FILIP1: variants seen among roughly 807,000 people sequenced by gnomAD.
The protein encoded by FILIP1 is filamin A interacting protein 1.
FILIP1 carries 61 observed loss-of-function variants against 102.1 expected under a neutral mutation model. The observed-to-expected ratio is 0.60, with a 90% CI of 0.49 to 0.74. FILIP1 has a LOEUF of 0.74. FILIP1 is among the 30% of genes least tolerant of loss of function. The pLI is 0.00. For synonymous variants in FILIP1, 491 were observed against 526.9 expected (o/e 0.93, Z 0.93); for missense variants, 1,314 against 1,441.2 (o/e 0.91, Z 1.43).
intron 4 of FILIP1, among the ~76,000 whole-genome samples, chr6:75,350,915 T>G (rs1021936025): frequency 6.6e-6 from 1 of 152,192 alleles, no homozygotes. Flanking sequence ...AAGTTGCAAC[T>G]TTTTTACCTG....
chr6:75,474,893 C>A (rs954423402), intron 1 of FILIP1, among the ~76,000 whole-genome samples: 1 of 151,978 alleles, frequency 6.6e-6, no homozygotes, highest in African/African-American at 2.4e-5. Context: ...GAGAGCTGGT[C>A]GTTTAAAAGT....
intron 1 of FILIP1, among the ~76,000 whole-genome samples, chr6:75,462,086 T>A (rs567010114): frequency 1.7e-4 from 26 of 152,288 alleles, no homozygotes; most frequent in Admixed American, 4.6e-4. Flanking sequence ...TCATGCCCCA[T>A]TTTTATTTCC....
In FILIP1 at chr6:75,372,677, GAA is replaced by G. The variant is rs1340452840; in HGVS notation, c.277-9762_277-9761del. Among the ~76,000 whole-genome samples the G allele has an allele frequency of 1.1e-3, 57 of 51,316 alleles. 1 individual carries two copies. Among genetic ancestry groups the G allele is most frequent in the East Asian group, 5.0e-3 (13 of 2,588 alleles). 33.7% of individuals were successfully genotyped at this position (51,316 alleles called of 152,430 possible). On this transcript the variant is annotated intron_variant, in intron 2 of 5. Coordinates refer to ENST00000237172, the MANE Select transcript of FILIP1 (RefSeq NM_015687.5). ...AGAAAGAAAGAAAGAAAGAAAGAAAGAAAGAAAGAGAAAGAAAGAGAAAGAAA... is the reference window on the plus strand; with the variant it reads ...AGAAAGAAAGAAAGAAAGAAAGAAAGAGAAAGAGAAAGAAAGAGAAAGAAA...
At chr6:75,297,150 A>AG (rs1772704132) in intron 6 of FILIP1, 1 of 152,168 alleles carries the variant, frequency 6.6e-6, no homozygotes, top group Admixed American at 6.5e-5. Flanking sequence ...GCAGAAACTT[A>AG]GGGTTTATCA....
intron 4 of FILIP1, among the ~76,000 whole-genome samples, chr6:75,348,567 T>C (rs1774675952): frequency 6.6e-6 from 1 of 152,228 alleles, no homozygotes; most frequent in South Asian, 2.1e-4. Context: ...AGGTACTTAA[T>C]TTGTGGAATT....
At chr6:75,393,368 A>G (rs1225821409) in intron 2 of FILIP1, among the ~76,000 whole-genome samples, 1 of 152,182 alleles carries the variant, frequency 6.6e-6, no homozygotes, top group African/African-American at 2.4e-5. Flanking sequence ...TCCAAAAGAA[A>G]ACAAATATCA....
intron 3 of FILIP1, among the ~76,000 whole-genome samples, chr6:75,360,075 A>G (rs1449217991): frequency 6.6e-6 from 1 of 152,144 alleles, no homozygotes. Context: ...CGAGCTTGCC[A>G]TTTCCCATAA....
intron 2 of FILIP1, among the ~76,000 whole-genome samples, chr6:75,411,418 T>C (rs1006413534): frequency 1.3e-5 from 2 of 152,236 alleles, no homozygotes; most frequent in African/African-American, 4.8e-5. Flanking sequence ...GCTCTTCAGT[T>C]TAATTAGATC....
chr6:75,415,096 T>C lies in FILIP1; in HGVS notation c.-6-118A>G, dbSNP rs1207215517. The C allele has an allele frequency of 4.2e-6, 4 of 947,646 alleles. No individual in the cohort carries two copies. In the African/African-American group the frequency reaches 5.0e-5, roughly 12 times the overall value. The allele number at this position is 947,646 out of a possible 1,614,324, so 58.7% of individuals were successfully genotyped here. The stretch of plus-strand genomic sequence containing the variant: ...ACATCGCCAATAAGGAAAAATCAAA[T>C]TAACATGTCATTAAAATTTTCAGGA... On this transcript the variant is annotated intron_variant, in intron 1 of 5. Coordinates refer to ENST00000237172, the MANE Select transcript of FILIP1 (RefSeq NM_015687.5).
At chr6:75,327,799 A>G (rs1773923237) in intron 4 of FILIP1, among the ~76,000 whole-genome samples, 1 of 152,058 alleles carries the variant, frequency 6.6e-6, no homozygotes, top group Non-Finnish European at 1.5e-5. Flanking sequence ...ACTATAGAAT[A>G]CCACCATTTT....
chr6:75,319,623 G>A (rs978604803), intron 4 of FILIP1: 4 of 431,458 alleles, frequency 9.3e-6, no homozygotes, highest in African/African-American at 6.2e-5. Context: ...AAGGTCAGGA[G>A]ATCGAGACCA....
chr6:75,348,606 G>A (rs1165584004), intron 4 of FILIP1, among the ~76,000 whole-genome samples: 1 of 152,128 alleles, frequency 6.6e-6, no homozygotes, highest in Non-Finnish European at 1.5e-5. Context: ...AGCAATTCCT[G>A]GAAAGTGAAA....
intron 6 of FILIP1, among the ~76,000 whole-genome samples, chr6:75,297,230 T>C (rs1421507043): frequency 6.6e-6 from 1 of 152,232 alleles, no homozygotes; most frequent in Non-Finnish European, 1.5e-5. Flanking sequence ...AGTTTTATTT[T>C]TACTTATGTA....
intron 2 of FILIP1, among the ~76,000 whole-genome samples, chr6:75,365,167 G>A (rs377413653): frequency 2.0e-4 from 30 of 151,954 alleles, no homozygotes; most frequent in Middle Eastern, 3.4e-3. Context: ...GTCTTATAGA[G>A]CAGACATAGA....
intron 4 of FILIP1, among the ~76,000 whole-genome samples, chr6:75,321,503 G>C (rs1228432290): frequency 7.3e-6 from 1 of 136,290 alleles, no homozygotes; most frequent in Non-Finnish European, 1.6e-5. Flanking sequence ...ACATAGAAAT[G>C]AATGTGATCG....
At chr6:75,381,839 C>T (rs1241719871) in intron 2 of FILIP1, among the ~76,000 whole-genome samples, 1 of 152,104 alleles carries the variant, frequency 6.6e-6, no homozygotes, top group African/African-American at 2.4e-5. Context: ...TTCTTAATTC[C>T]AATTCTATAG....
intron 1 of FILIP1, among the ~76,000 whole-genome samples, chr6:75,417,761 T>A (rs1015912553): frequency 4.6e-5 from 7 of 152,208 alleles, no homozygotes; most frequent in African/African-American, 1.7e-4. Flanking sequence ...CAGCTACTCC[T>A]AGTGGAGAGA....
chr6:75,431,907 C>T (rs1274000094), intron 1 of FILIP1, among the ~76,000 whole-genome samples: 1 of 152,166 alleles, frequency 6.6e-6, no homozygotes, highest in Non-Finnish European at 1.5e-5. Context: ...TCTTATAGTA[C>T]CCTATGCAAA....
intron 2 of FILIP1, among the ~76,000 whole-genome samples, chr6:75,409,506 T>G (rs1776982397): frequency 1.3e-5 from 2 of 152,168 alleles, no homozygotes; most frequent in South Asian, 4.1e-4. Context: ...GAATTTAGTT[T>G]ATAGTTTAAC....
Sources: allele counts gnomAD v4.1 joint callset (sites outside exome capture counted in the v4.1 genomes callset), GRCh38; gene constraint gnomAD v4.1.1; transcripts MANE v1.5; gene names NCBI Gene and HGNC (gene_info 2026-07-23, HGNC 2026-07-21).